The following BNC2 variants were observed in gnomAD, a reference collection of about 807,000 sequenced individuals.
BNC2 encodes the protein zinc finger protein basonuclin-2.
In BNC2, 20 loss-of-function variants were observed where a neutral mutation model predicts 76.3. That is an observed-to-expected ratio of 0.26 (90% CI 0.18 to 0.38). The LOEUF (loss-of-function observed/expected upper bound fraction) is 0.38. BNC2 is among the 10% of genes least tolerant of loss of function. BNC2 has a pLI of 1.00. For synonymous variants in BNC2, 582 were observed against 514.8 expected (o/e 1.13, Z -1.77); for missense variants, 1,382 against 1,399.8 (o/e 0.99, Z 0.20).
At chr9:16,718,818 T>C (rs528587296) in intron 3 of BNC2, among the ~76,000 whole-genome samples, 5 of 152,280 alleles carry the variant, frequency 3.3e-5, no homozygotes, top group Admixed American at 6.5e-5. Flanking sequence ...TAGCAAATCC[T>C]CAACATACAT....
chr9:16,478,633 T>G (rs531701067), intron 5 of BNC2, among the ~76,000 whole-genome samples: 1 of 152,304 alleles, frequency 6.6e-6, no homozygotes, highest in East Asian at 1.9e-4. Context: ...AAAACATCTT[T>G]TACCACAAAT....
chr9:16,573,529 AGAG>A (rs566613199), intron 4 of BNC2, among the ~76,000 whole-genome samples: 26,843 of 152,042 alleles, frequency 0.18, 4,404 homozygotes, highest in African/African-American at 0.43. Flanking sequence ...AGCCAGGTGT[AGAG>A]TTGCCTTTAC....
chr9:16,764,440 G>A (rs192156233), intron 1 of BNC2, among the ~76,000 whole-genome samples: 1 of 152,082 alleles, frequency 6.6e-6, no homozygotes, highest in Non-Finnish European at 1.5e-5. Flanking sequence ...CATTCATCTG[G>A]TAAGTAACCC....
chr9:16,808,049 G>C (rs367695656), intron 1 of BNC2, among the ~76,000 whole-genome samples: 3 of 152,164 alleles, frequency 2.0e-5, no homozygotes, highest in African/African-American at 7.2e-5. Flanking sequence ...TGGCAAAAAG[G>C]AGGTGGGCCA....
At chr9:16,647,149 T>G (rs1436252707) in intron 3 of BNC2, among the ~76,000 whole-genome samples, 1 of 152,190 alleles carries the variant, frequency 6.6e-6, no homozygotes, top group African/African-American at 2.4e-5. Flanking sequence ...CATATGGTTG[T>G]GTTTTCCTGA....
intron 1 of BNC2, among the ~76,000 whole-genome samples, chr9:16,774,772 A>G (rs1314694588): frequency 1.3e-5 from 2 of 152,204 alleles, no homozygotes; most frequent in African/African-American, 4.8e-5. Context: ...TAAGGCTACA[A>G]AATATTTAAG....
chr9:16,599,875 G>A (rs964201300), intron 3 of BNC2, among the ~76,000 whole-genome samples: 2 of 152,110 alleles, frequency 1.3e-5, no homozygotes, highest in African/African-American at 2.4e-5. Context: ...CATGTGTTGT[G>A]GTGCTTCCAC....
At chr9:16,808,479 C>CTTTTTTTTTTT (rs768028981) in intron 1 of BNC2, among the ~76,000 whole-genome samples, 2 of 78,678 alleles carry the variant, frequency 2.5e-5, no homozygotes, top group African/African-American at 5.2e-5. Context: ...TCTTGGGCAA[C>CTTTTTTTTTTT]TTTTTTTTTT....
In BNC2 at chr9:16,561,098, G is replaced by A. The variant is rs1354398863; in HGVS notation, c.434-8333C>T. On this transcript the variant is annotated intron_variant, in intron 4 of 6. Transcript: ENST00000380672. Reference sequence around the variant, plus strand: ...TATTAAAACTACAAAAATTAGCCAGGCATGGTGGTGGGCACCTGTAATCCC... The same window carrying A: ...TATTAAAACTACAAAAATTAGCCAGACATGGTGGTGGGCACCTGTAATCCC... Among the ~76,000 whole-genome samples, 5 of 152,216 alleles carry A rather than the reference G, an allele frequency of 3.3e-5. No individual in the cohort carries two copies. The East Asian group carries it at 9.7e-4, about 29-fold the overall frequency.
At chr9:16,437,902 T>C (rs1382153740) in intron 5 of BNC2, among the ~76,000 whole-genome samples, 1 of 151,938 alleles carries the variant, frequency 6.6e-6, no homozygotes, top group Non-Finnish European at 1.5e-5. Flanking sequence ...CCAATATAAA[T>C]GAAAAAAATG....
chr9:16,611,272 T>G (rs563897165), intron 3 of BNC2, among the ~76,000 whole-genome samples: 1 of 152,154 alleles, frequency 6.6e-6, no homozygotes, highest in African/African-American at 2.4e-5. Flanking sequence ...AAAGCATCCA[T>G]CCAGCCAGAG....
At chr9:16,861,697 A>G (rs1586944143) in intron 1 of BNC2, among the ~76,000 whole-genome samples, 1 of 152,296 alleles carries the variant, frequency 6.6e-6, no homozygotes, top group East Asian at 1.9e-4. Flanking sequence ...AAATAAAAAG[A>G]CAATAACAAG....
chr9:16,620,931 C>G (rs1462583836), intron 3 of BNC2, among the ~76,000 whole-genome samples: 1 of 152,092 alleles, frequency 6.6e-6, no homozygotes, highest in African/African-American at 2.4e-5. Flanking sequence ...ACTGCTATAC[C>G]TTAAGGCAGG....
intron 1 of BNC2, chr9:16,832,196 G>A (rs1413774950): frequency 1.0e-6 from 1 of 964,788 alleles, no homozygotes; most frequent in East Asian, 6.3e-5. Flanking sequence ...AAAACTACAA[G>A]GTAGTCTTCA....
intron 3 of BNC2, among the ~76,000 whole-genome samples, chr9:16,719,312 G>A (rs981298192): frequency 2.0e-5 from 3 of 152,046 alleles, no homozygotes; most frequent in South Asian, 4.1e-4. Context: ...TTAAATCAAT[G>A]AAATTCTTCT....
At chr9:16,439,131 C>T (rs563268814) in intron 5 of BNC2, among the ~76,000 whole-genome samples, 4 of 152,316 alleles carry the variant, frequency 2.6e-5, no homozygotes, top group African/African-American at 9.6e-5. Flanking sequence ...CCTTTGCCTT[C>T]TGCCATGATT....
Position 16,632,478 on chromosome 9 carries a change from T to C in BNC2, c.331-49393A>G, listed in dbSNP as rs183902598. Among the ~76,000 whole-genome samples the C allele has an allele frequency of 5.9e-5, 9 of 152,258 alleles. No homozygotes were observed. The East Asian group carries it at 1.7e-3, about 29-fold the overall frequency. ...AAAGCACCATATTCCCAAATCATTT[T>C]ATCAGGTCACATTCTGCCAAACTGA... is the stretch of plus-strand genomic sequence containing the variant. On this transcript the variant is annotated intron_variant, in intron 3 of 6. Transcript: ENST00000380672.
At chr9:16,648,317 G>C (rs1310514194) in intron 3 of BNC2, among the ~76,000 whole-genome samples, 1 of 152,194 alleles carries the variant, frequency 6.6e-6, no homozygotes, top group Non-Finnish European at 1.5e-5. Flanking sequence ...GAGATTCTTT[G>C]GGTTTCTATT....
At chr9:16,549,412 G>C (rs1204822674) in intron 5 of BNC2, among the ~76,000 whole-genome samples, 1 of 152,164 alleles carries the variant, frequency 6.6e-6, no homozygotes, top group Non-Finnish European at 1.5e-5. Context: ...ATATACTGTT[G>C]TTGAGAGCAA....
Sources: allele counts gnomAD v4.1 joint callset (sites outside exome capture counted in the v4.1 genomes callset), GRCh38; gene constraint gnomAD v4.1.1; transcripts MANE v1.5; gene names NCBI Gene and HGNC (gene_info 2026-07-23, HGNC 2026-07-21).